Variants in ZSWIM3 observed in about 807,000 individuals in gnomAD.
ZSWIM3 encodes the protein zinc finger SWIM domain-containing protein 3.
In ZSWIM3, 27 loss-of-function variants were observed where a neutral mutation model predicts 47.5. That is an observed-to-expected ratio of 0.57 (90% CI 0.42 to 0.78). The LOEUF is 0.78. Among genes scored for constraint, ZSWIM3 ranks in the 30% least tolerant of loss-of-function variants. The pLI, the probability that ZSWIM3 is intolerant of heterozygous loss-of-function variation, is 0.00. For synonymous variants in ZSWIM3, 333 were observed against 333.9 expected (o/e 1.00, Z 0.03); for missense variants, 689 against 861.3 (o/e 0.80, Z 2.50).
At chr20:45,868,166 C>T (rs1312158512) in intron 1 of ZSWIM3, among the ~76,000 whole-genome samples, 1 of 152,146 alleles carries the variant, frequency 6.6e-6, no homozygotes, top group African/African-American at 2.4e-5. Context: ...ACTGAAATGG[C>T]ACATCTCCCA....
intron 1 of ZSWIM3, among the ~76,000 whole-genome samples, chr20:45,873,010 C>A (rs76394571): frequency 1.3e-5 from 2 of 152,138 alleles, no homozygotes; most frequent in Non-Finnish European, 2.9e-5. Flanking sequence ...TTTTCCCTTC[C>A]CCTGGTCTTT....
intron 1 of ZSWIM3, among the ~76,000 whole-genome samples, chr20:45,874,956 A>G (rs973109432): frequency 2.1e-5 from 3 of 141,856 alleles, no homozygotes; most frequent in African/African-American, 8.0e-5. Flanking sequence ...TTTTGTTGTT[A>G]TTGTTTTTTT....
chr20:45,872,837 C>G (rs1229522981), intron 1 of ZSWIM3: 3 of 1,274,956 alleles, frequency 2.4e-6, no homozygotes, highest in South Asian at 1.3e-5. Context: ...TACAGACACT[C>G]TCAGCCCCAA....
At chr20:45,858,773 C>A (rs1408547697) in intron 1 of ZSWIM3, among the ~76,000 whole-genome samples, 1 of 109,594 alleles carries the variant, frequency 9.1e-6, no homozygotes, top group Admixed American at 1.1e-4. Flanking sequence ...CTTTACCCTG[C>A]AGGGCTTTTT....
chr20:45,873,174 G>C (rs1202338541), intron 1 of ZSWIM3, among the ~76,000 whole-genome samples: 1 of 152,170 alleles, frequency 6.6e-6, no homozygotes, highest in Non-Finnish European at 1.5e-5. Context: ...GGCCGAGGTG[G>C]GCGGATCATC....
chr20:45,870,295 G>A (rs1215178784), intron 1 of ZSWIM3, among the ~76,000 whole-genome samples: 1 of 151,604 alleles, frequency 6.6e-6, no homozygotes, highest in Admixed American at 6.6e-5. Flanking sequence ...AGCCAAGACC[G>A]TGCCAGTGCA....
Position 45,877,629 on chromosome 20 carries a change from A to G in ZSWIM3, c.1071A>G (p.Val357=), listed in dbSNP as rs762818716. ...ATCTCTGCCAGATGTCCCAGGCCGT[A>G]CTGGATGAGGATCTCTTCAACTTCC... ...LKNLCQMSQA[V]LDEDLFNFLQ... The change falls in exon 2 of 2, where the codon GTA becomes GTG. Residue 357 remains valine (V), a synonymous_variant. Coordinates refer to ENST00000255152, the MANE Select transcript of ZSWIM3 (RefSeq NM_080752.4). 74 of 1,614,076 alleles carry G rather than the reference A, an allele frequency of 4.6e-5. No homozygotes were observed. The highest frequency in any genetic ancestry group is 6.2e-5 in the Non-Finnish European group (73 of 1,180,032).
chr20:45,877,243 A>T lies in ZSWIM3; in HGVS notation c.685A>T (p.Thr229Ser), dbSNP rs366837. Residue 229 changes from threonine to serine, a missense_variant, in exon 2 of 2, where the codon ACC becomes TCC. By Grantham distance (58) the Thr-to-Ser change is moderately conservative (BLOSUM62 1). Coordinates refer to ENST00000255152, the MANE Select transcript of ZSWIM3 (RefSeq NM_080752.4). ...ENLLLHRVEN[T>S]QGHILYAFLV... Reference sequence around the variant, plus strand: ...TCTCTTGCTACACCGGGTGGAGAACACCCAGGGCCACATCCTCTATGCTTT... The same window carrying T: ...TCTCTTGCTACACCGGGTGGAGAACTCCCAGGGCCACATCCTCTATGCTTT... The T allele has an allele frequency of 8.7e-6, 14 of 1,613,776 alleles. No individual in the cohort carries two copies. The highest frequency in any genetic ancestry group is 1.7e-5 in the Admixed American group (1 of 59,954).
chr20:45,865,263 G>C (rs1034423026), intron 1 of ZSWIM3, among the ~76,000 whole-genome samples: 12 of 150,806 alleles, frequency 8.0e-5, no homozygotes, highest in Admixed American at 3.3e-4. Flanking sequence ...AGGTTGCAGT[G>C]AGCCAAGATC....
In ZSWIM3 at chr20:45,879,113, TA is replaced by T. The variant is rs147537626; in HGVS notation, c.*468del. On this transcript the variant is annotated 3_prime_UTR_variant, in exon 2 of 2. Coordinates refer to ENST00000255152, the MANE Select transcript of ZSWIM3 (RefSeq NM_080752.4). ...TTATTCATATTAAAGTTGTTTTTAA[TA>T]AAATTAAACAAGGGAAATGTGTTCT... The T allele has an allele frequency of 0.012, 1,900 of 154,298 alleles. 19 individuals carry two copies. The highest frequency in any genetic ancestry group is 0.018 in the Non-Finnish European group (1,240 of 69,244). 9.6% of individuals were successfully genotyped at this position (154,298 alleles called of 1,614,324 possible). A position where few individuals can be genotyped will look rare whatever the true frequency, so the allele number is the denominator to read the frequency against.
At chr20:45,859,768 C>G (rs186781017) in intron 1 of ZSWIM3, among the ~76,000 whole-genome samples, 1 of 137,294 alleles carries the variant, frequency 7.3e-6, no homozygotes, top group African/African-American at 2.8e-5. Context: ...ATGGGTAGGA[C>G]CTTGCTAAGC....
intron 1 of ZSWIM3, among the ~76,000 whole-genome samples, chr20:45,868,180 C>G (rs6514065): frequency 0.58 from 87,865 of 151,958 alleles, 25,679 homozygotes; most frequent in Admixed American, 0.66. Context: ...TCTCCCAAAA[C>G]TTGTAGGACT....
intron 1 of ZSWIM3, among the ~76,000 whole-genome samples, chr20:45,873,613 A>T (rs1986025391): frequency 1.3e-5 from 2 of 152,248 alleles, no homozygotes; most frequent in East Asian, 3.8e-4. Flanking sequence ...TTTGGACTAA[A>T]TATTTTGCCT....
chr20:45,871,718 C>G (rs1036504881), intron 1 of ZSWIM3, among the ~76,000 whole-genome samples: 6 of 150,836 alleles, frequency 4.0e-5, no homozygotes, highest in Admixed American at 2.7e-4. Context: ...AAAAAATAGC[C>G]AGGCATGGTG....
chr20:45,872,959 A>C (rs1445543535), intron 1 of ZSWIM3: 1 of 1,149,172 alleles, frequency 8.7e-7, no homozygotes, highest in Non-Finnish European at 1.1e-6. Flanking sequence ...GTGCAGGTGG[A>C]GTTTCTAGGC....
At chr20:45,866,381 C>G (rs1297471365) in intron 1 of ZSWIM3, among the ~76,000 whole-genome samples, 2 of 152,112 alleles carry the variant, frequency 1.3e-5, no homozygotes, top group African/African-American at 4.8e-5. Flanking sequence ...TCTTTTTCTA[C>G]AAAACTGGCC....
chr20:45,858,844 TGA>T (rs2145783740), intron 1 of ZSWIM3, among the ~76,000 whole-genome samples: 1 of 152,278 alleles, frequency 6.6e-6, no homozygotes, highest in South Asian at 2.1e-4. Context: ...ATTTGACAGA[TGA>T]GAAGTCAGGC....
chr20:45,864,724 G>A (rs571526829), intron 1 of ZSWIM3, among the ~76,000 whole-genome samples: 9 of 152,032 alleles, frequency 5.9e-5, no homozygotes, highest in Non-Finnish European at 1.2e-4. Context: ...AGCCAGGCAC[G>A]GTGATGGGCA....
intron 1 of ZSWIM3, among the ~76,000 whole-genome samples, chr20:45,865,854 G>A (rs531852014): frequency 1.5e-4 from 22 of 151,442 alleles, no homozygotes; most frequent in Non-Finnish European, 2.7e-4. Flanking sequence ...TTAGCTGGGC[G>A]TGGTGGCAGG....
Sources: gnomAD v4.1 joint callset for allele counts (sites outside exome capture counted in the v4.1 genomes callset) on GRCh38, gnomAD v4.1.1 for gene constraint, MANE v1.5 for transcripts, NCBI Gene and HGNC (gene_info 2026-07-23, HGNC 2026-07-21) for gene names.